The following KAZN variants were observed in gnomAD, a reference collection of about 807,000 sequenced individuals.
KAZN encodes kazrin.
A neutral mutation model predicts 87.4 loss-of-function variants in KAZN; 40 were observed. The ratio of observed to expected loss-of-function variants is 0.46; its 90% CI spans 0.36 to 0.60. The LOEUF (loss-of-function observed/expected upper bound fraction) is 0.60, where lower values mean the gene tolerates loss of function less well. Ranked by LOEUF, KAZN falls within the 20% of genes least tolerant of loss-of-function variation. The pLI, the probability that KAZN is intolerant of heterozygous loss-of-function variation, is 0.00. For synonymous variants in KAZN, 466 were observed against 458.3 expected, an observed-to-expected ratio of 1.02 and a Z score of -0.22; for missense variants, 898 against 1,073.9, an observed-to-expected ratio of 0.84 and a Z score of 2.29.
chr1:14,164,650 C>T (rs867822442), intron 1 of KAZN, among the ~76,000 whole-genome samples: 1 of 150,004 alleles, frequency 6.7e-6, no homozygotes, highest in African/African-American at 2.4e-5. Flanking sequence ...AAGCGATTCT[C>T]CTGCCTCAGC....
intron 1 of KAZN, among the ~76,000 whole-genome samples, chr1:14,164,059 T>C (rs115510625): frequency 6.6e-6 from 1 of 152,188 alleles, no homozygotes; most frequent in African/African-American, 2.4e-5. Context: ...ATTTTTAGTG[T>C]TTTTTGTTAT....
intron 2 of KAZN, among the ~76,000 whole-genome samples, chr1:14,216,541 A>G (rs1646960217): frequency 6.6e-6 from 1 of 152,194 alleles, no homozygotes; most frequent in South Asian, 2.1e-4. Context: ...CATGAAAACG[A>G]AAGGAGAAGG....
chr1:14,180,596 C>A (rs1463724715), intron 2 of KAZN: 1 of 1,546,620 alleles, frequency 6.5e-7, no homozygotes, highest in Non-Finnish European at 8.7e-7. Flanking sequence ...TGCTCAGGTA[C>A]AAAGATCAAT....
At chr1:14,316,332 G>T (rs1437590278) in intron 2 of KAZN, among the ~76,000 whole-genome samples, 3 of 151,788 alleles carry the variant, frequency 2.0e-5, no homozygotes, top group Non-Finnish European at 2.9e-5. Flanking sequence ...CAATTATATT[G>T]TTAAATTTAT....
chr1:14,126,637 A>T (rs1644875352), intron 1 of KAZN, among the ~76,000 whole-genome samples: 1 of 31,500 alleles, frequency 3.2e-5, no homozygotes, highest in African/African-American at 2.9e-4. Flanking sequence ...TGATAATAAT[A>T]AAAAAAAATA....
At chr1:14,155,085 T>A (rs895365634) in intron 1 of KAZN, among the ~76,000 whole-genome samples, 2 of 152,050 alleles carry the variant, frequency 1.3e-5, no homozygotes, top group Admixed American at 1.3e-4. Context: ...TTCCTCTAGG[T>A]TTTTCGAATA....
intron 2 of KAZN, among the ~76,000 whole-genome samples, chr1:15,017,837 C>T (rs1179876044): frequency 2.0e-5 from 3 of 152,086 alleles, no homozygotes; most frequent in African/African-American, 4.8e-5. Flanking sequence ...CTGGGGGATA[C>T]CCCGATGTCA....
At chr1:14,594,908 A>T (rs192700851), upstream of KAZN, among the ~76,000 whole-genome samples, 8 of 152,290 alleles carry the variant, frequency 5.3e-5, no homozygotes, top group East Asian at 1.5e-3. Flanking sequence ...TAACTTTGGG[A>T]GGCCAAGGCA....
At chr1:14,165,591 G>A (rs146622178) in intron 1 of KAZN, among the ~76,000 whole-genome samples, 16 of 152,296 alleles carry the variant, frequency 1.1e-4, no homozygotes, top group Non-Finnish European at 1.9e-4. Flanking sequence ...AGGTGTTGAA[G>A]TTTTGCTGCC....
chr1:14,410,602 T>G (rs1434290994), intron 2 of KAZN, among the ~76,000 whole-genome samples: 2 of 152,138 alleles, frequency 1.3e-5, no homozygotes, highest in Non-Finnish European at 2.9e-5. Flanking sequence ...TGTGAAAAAG[T>G]TAATGATCTT....
At chr1:13,937,244 C>G (rs936977394) in intron 1 of KAZN, among the ~76,000 whole-genome samples, 3 of 152,144 alleles carry the variant, frequency 2.0e-5, no homozygotes, top group African/African-American at 7.2e-5. Flanking sequence ...GATGGGGTCA[C>G]CATGTTAGTC....
intron 1 of KAZN, among the ~76,000 whole-genome samples, chr1:14,910,775 A>C (rs186594539): frequency 6.6e-6 from 1 of 152,320 alleles, no homozygotes; most frequent in Admixed American, 6.5e-5. Flanking sequence ...GTGGCCAGGC[A>C]GAAATTGTGG....
At chr1:14,844,615 C>CT (rs373636651) in intron 1 of KAZN, among the ~76,000 whole-genome samples, 108 of 152,314 alleles carry the variant, frequency 7.1e-4, no homozygotes, top group African/African-American at 2.5e-3. Context: ...AAAGTGTGAG[C>CT]TTTTGTAGGA....
chr1:14,969,919 T>G (rs923396553), intron 2 of KAZN, among the ~76,000 whole-genome samples: 4 of 152,170 alleles, frequency 2.6e-5, no homozygotes, highest in Admixed American at 2.6e-4. Flanking sequence ...GTTCAAGCGA[T>G]TCTCCTGCCT....
chr1:14,652,871 T>A (rs2148700047), intron 1 of KAZN, among the ~76,000 whole-genome samples: 1 of 148,236 alleles, frequency 6.7e-6, no homozygotes, highest in South Asian at 2.2e-4. Flanking sequence ...ATTGGGGACA[T>A]TTTTGGTTGT....
At position 14,740,979 on chromosome 1, in the gene KAZN, G is replaced by T. The variant is rs553971331; in HGVS notation, c.226+141756G>T. 2.6e-3 allele frequency among the ~76,000 whole-genome samples: 391 copies of T among 152,324 alleles called. 1 individual carries two copies. Among genetic ancestry groups the T allele is most frequent in the African/African-American group, 8.8e-3 (365 of 41,570 alleles). On this transcript the variant is annotated intron_variant, in intron 1 of 14. Transcript: ENST00000376030. ...GCCCTCTGTTCACAGACCTGGAGGG[G>T]AGTGGGAAGGAGCTCTGTGCTTTGA...
intron 2 of KAZN, among the ~76,000 whole-genome samples, chr1:14,383,298 G>A (rs1321014479): frequency 2.0e-5 from 3 of 149,450 alleles, no homozygotes; most frequent in Admixed American, 6.6e-5. Context: ...TTCTTTTGCT[G>A]TGCAGAAGCT....
intron 1 of KAZN, among the ~76,000 whole-genome samples, chr1:14,003,882 A>G (rs749719446): frequency 6.6e-6 from 1 of 152,212 alleles, no homozygotes; most frequent in Non-Finnish European, 1.5e-5. Flanking sequence ...AAATAGGACT[A>G]CATTAAAATT....
At position 14,397,949 on chromosome 1, in the gene KAZN, T is replaced by C. The variant is rs575228148; in HGVS notation, c.250-201034T>C. Among the ~76,000 whole-genome samples the C allele has an allele frequency of 4.6e-5, 7 of 151,702 alleles. No homozygotes were observed. The South Asian group carries it at 6.3e-4, about 14-fold the overall frequency. On this transcript the variant is annotated intron_variant, in intron 2 of 16. Coordinates refer to the KAZN transcript ENST00000636203. ...GAGTCCTTGCCTGATTCCTCCTGCA[T>C]TGCAGAATAAGAGACATATGGAGCC...
Sources: gnomAD v4.1 joint callset for allele counts (sites outside exome capture counted in the v4.1 genomes callset) on GRCh38, gnomAD v4.1.1 for gene constraint, MANE v1.5 for transcripts, NCBI Gene and HGNC (gene_info 2026-07-23, HGNC 2026-07-21) for gene names.